NAV2: variants seen among roughly 807,000 people sequenced by gnomAD.
NAV2 encodes the protein helicase, APC down-regulated 1.
A neutral mutation model predicts 223.2 loss-of-function variants in NAV2; 54 were observed. That is an observed-to-expected ratio of 0.24 (90% confidence interval 0.19 to 0.30). The LOEUF is 0.30. Ranked by LOEUF, NAV2 falls within the 10% of genes least tolerant of loss-of-function variation. The pLI, the probability that NAV2 is intolerant of heterozygous loss-of-function variation, is 1.00. For synonymous variants in NAV2, 1,279 were observed against 1,239.3 expected, an observed-to-expected ratio of 1.03 and a Z score of -0.67; for missense variants, 2,806 against 3,147.5, an observed-to-expected ratio of 0.89 and a Z score of 2.60.
Position 19,538,891 on chromosome 11 carries a change from T to TTATATATA in NAV2, c.75+187874_75+187881dup, listed in dbSNP as rs57662236. On this transcript the variant is annotated intron_variant, in intron 1 of 37. Transcript: ENST00000360655. ...ATATCACAACCAGGATAATGACATT[T>TTATATATA]TATATATATATATATATCTTTCCAC... Among the ~76,000 whole-genome samples, 1,038 of 146,472 alleles carry TTATATATA rather than the reference T, an allele frequency of 7.1e-3. 10 individuals carry two copies. The highest frequency in any genetic ancestry group is 0.02 in the African/African-American group (771 of 37,654).
At chr11:19,724,998 A>G (rs886465994) in intron 1 of NAV2, among the ~76,000 whole-genome samples, 3 of 152,244 alleles carry the variant, frequency 2.0e-5, no homozygotes, top group Admixed American at 6.5e-5. Flanking sequence ...CTGGGTGGTT[A>G]TAGCATTTCA....
intron 1 of NAV2, among the ~76,000 whole-genome samples, chr11:19,791,275 C>G (rs894018783): frequency 6.6e-6 from 1 of 152,176 alleles, no homozygotes; most frequent in African/African-American, 2.4e-5. Context: ...TACCACCTCA[C>G]CAGCTGCCAA....
intron 1 of NAV2, among the ~76,000 whole-genome samples, chr11:19,767,466 C>G (rs1282431266): frequency 6.6e-6 from 1 of 152,154 alleles, no homozygotes; most frequent in African/African-American, 2.4e-5. Flanking sequence ...GATGTTGTCA[C>G]CTCACTGAAT....
At chr11:19,863,180 C>T (rs1261605149) in intron 3 of NAV2, among the ~76,000 whole-genome samples, 1 of 152,164 alleles carries the variant, frequency 6.6e-6, no homozygotes, top group Non-Finnish European at 1.5e-5. Context: ...TGGGGCAGGT[C>T]GAGGTACTGA....
chr11:19,903,311 C>G (rs560710582), intron 6 of NAV2, among the ~76,000 whole-genome samples: 7 of 152,180 alleles, frequency 4.6e-5, no homozygotes, highest in African/African-American at 1.2e-4. Context: ...AATGGTCATG[C>G]TACACGGTGG....
chr11:19,962,650 C>T (rs530042934), intron 10 of NAV2, among the ~76,000 whole-genome samples: 8 of 152,170 alleles, frequency 5.3e-5, no homozygotes, highest in Non-Finnish European at 1.0e-4. Context: ...AAGAAATCTC[C>T]CTGAGAAATG....
At chr11:19,629,069 C>G (rs536609714) in intron 1 of NAV2, among the ~76,000 whole-genome samples, 1 of 152,284 alleles carries the variant, frequency 6.6e-6, no homozygotes, top group South Asian at 2.1e-4. Context: ...GGGCAGAAAA[C>G]AGCCCTATGT....
chr11:20,066,598 C>A (rs2059057134), intron 20 of NAV2, among the ~76,000 whole-genome samples: 1 of 152,118 alleles, frequency 6.6e-6, no homozygotes, highest in Non-Finnish European at 1.5e-5. Context: ...CAATGGGGAG[C>A]ATAGGTTGAA....
At chr11:19,555,281 G>A (rs2044842525) in intron 1 of NAV2, among the ~76,000 whole-genome samples, 1 of 152,208 alleles carries the variant, frequency 6.6e-6, no homozygotes, top group Non-Finnish European at 1.5e-5. Context: ...GTCTGGGGCT[G>A]GGAAGAGCTG....
At chr11:19,904,685 TA>T (rs1013910972) in intron 6 of NAV2, among the ~76,000 whole-genome samples, 12 of 149,116 alleles carry the variant, frequency 8.0e-5, no homozygotes, top group South Asian at 2.1e-4. Context: ...GGAGTAAAAG[TA>T]AAAAAAAAAT....
chr11:19,448,927 G>C (rs544327446), intron 1 of NAV2, among the ~76,000 whole-genome samples: 1 of 152,190 alleles, frequency 6.6e-6, no homozygotes, highest in Non-Finnish European at 1.5e-5. Flanking sequence ...TAAGGAAATA[G>C]AGCTGTTTAG....
chr11:19,587,211 G>T (rs1205395570), intron 1 of NAV2, among the ~76,000 whole-genome samples: 1 of 152,216 alleles, frequency 6.6e-6, no homozygotes, highest in Non-Finnish European at 1.5e-5. Flanking sequence ...TGTGCCGTTT[G>T]CTAAGACCAT....
rs190829818 is a variant in NAV2 at position 19,908,572 on chromosome 11, G to A, written c.931+15978G>A. Among the ~76,000 whole-genome samples the A allele has an allele frequency of 4.6e-5, 7 of 152,350 alleles. No individual in the cohort carries two copies. The East Asian group carries it at 1.4e-3, about 29-fold the overall frequency. On this transcript the variant is annotated intron_variant, in intron 6 of 37. Coordinates refer to ENST00000349880, the MANE Select transcript of NAV2 (RefSeq NM_145117.5). Reference sequence around the variant, plus strand: ...AATATGGTAGCCACTAGCGCTACATGTGACTATTAAGCAATTGACATGTGG... The same window carrying A: ...AATATGGTAGCCACTAGCGCTACATATGACTATTAAGCAATTGACATGTGG...
Position 19,750,799 on chromosome 11 carries a change from A to T in NAV2, c.267+36837A>T, listed in dbSNP as rs571437793. The stretch of plus-strand genomic sequence containing the variant: ...CCTTTGAGAATTCATTTCTATACAC[A>T]AATGCCACACAGGAATTCAGGATCC... On this transcript the variant is annotated intron_variant, in intron 1 of 37. Transcript: ENST00000349880. 1.1e-4 allele frequency among the ~76,000 whole-genome samples: 17 copies of T among 152,274 alleles called. No individual in the cohort carries two copies. The South Asian group carries it at 3.5e-3, about 32-fold the overall frequency.
intron 1 of NAV2, among the ~76,000 whole-genome samples, chr11:19,365,277 A>G (rs954267143): frequency 7.9e-5 from 12 of 152,176 alleles, no homozygotes; most frequent in African/African-American, 2.9e-4. Context: ...TATCCATTTG[A>G]AACCTTCTCT....
At chr11:19,393,906 C>CCTTT (rs34145490) in intron 1 of NAV2, among the ~76,000 whole-genome samples, 2 of 135,704 alleles carry the variant, frequency 1.5e-5, no homozygotes, top group East Asian at 4.3e-4. Context: ...TTTTTTTTTT[C>CCTTT]TTTTTTTTTT....
At chr11:19,479,740 C>T (rs2042223924) in intron 1 of NAV2, among the ~76,000 whole-genome samples, 1 of 152,186 alleles carries the variant, frequency 6.6e-6, no homozygotes, top group South Asian at 2.1e-4. Flanking sequence ...TGAGTTCTTG[C>T]TTCTGCAAAT....
intron 1 of NAV2, among the ~76,000 whole-genome samples, chr11:19,362,175 G>A (rs1416438680): frequency 2.6e-5 from 4 of 152,186 alleles, no homozygotes; most frequent in Non-Finnish European, 4.4e-5. Flanking sequence ...AGATGGGAAA[G>A]TAAAGACTCA....
chr11:19,347,566 G>C (rs1210646575), upstream of NAV2, among the ~76,000 whole-genome samples: 1 of 152,148 alleles, frequency 6.6e-6, no homozygotes, highest in Non-Finnish European at 1.5e-5. Flanking sequence ...GAGTGGGCTT[G>C]TCTTATGAAC....
Sources: allele counts gnomAD v4.1 joint callset (sites outside exome capture counted in the v4.1 genomes callset), GRCh38; gene constraint gnomAD v4.1.1; transcripts MANE v1.5; gene names NCBI Gene and HGNC (gene_info 2026-07-23, HGNC 2026-07-21).